Variants in HS6ST3 observed in about 807,000 individuals in gnomAD.
HS6ST3 encodes heparan-sulfate 6-O-sulfotransferase 3.
Under a neutral mutation model 36.7 loss-of-function variants are expected in HS6ST3, and 12 were observed. That is an observed-to-expected ratio of 0.33 (90% CI 0.21 to 0.53). HS6ST3 has a LOEUF of 0.53. HS6ST3 is among the 20% of genes least tolerant of loss of function. The pLI is 0.95. For synonymous variants in HS6ST3, 240 were observed against 257.5 expected, an observed-to-expected ratio of 0.93 and a Z score of 0.65; for missense variants, 584 against 640.9, an observed-to-expected ratio of 0.91 and a Z score of 0.96.
intron 1 of HS6ST3, among the ~76,000 whole-genome samples, chr13:96,300,308 C>T (rs533618343): frequency 1.6e-4 from 24 of 151,988 alleles, no homozygotes; most frequent in African/African-American, 2.9e-4. Context: ...CCACCCGTCT[C>T]GGCCTCCCAA....
At chr13:96,737,703 A>G (rs1465464878) in intron 1 of HS6ST3, among the ~76,000 whole-genome samples, 1 of 152,158 alleles carries the variant, frequency 6.6e-6, no homozygotes, top group Non-Finnish European at 1.5e-5. Flanking sequence ...AAATCACAGA[A>G]AACTCTCATG....
chr13:96,407,221 T>C (rs1298994651), intron 1 of HS6ST3, among the ~76,000 whole-genome samples: 2 of 152,062 alleles, frequency 1.3e-5, no homozygotes, highest in African/African-American at 4.8e-5. Flanking sequence ...ATAAAGTTTC[T>C]GTCAGTTTGA....
intron 1 of HS6ST3, among the ~76,000 whole-genome samples, chr13:96,593,841 T>G (rs1477642382): frequency 6.6e-6 from 1 of 152,120 alleles, no homozygotes. Context: ...GCATAGCTAT[T>G]CCAGTCCTCA....
chr13:96,544,551 G>A (rs1594803713), intron 1 of HS6ST3, among the ~76,000 whole-genome samples: 1 of 151,988 alleles, frequency 6.6e-6, no homozygotes, highest in African/African-American at 2.4e-5. Context: ...ATCAAATAGG[G>A]GCTTGAACAG....
intron 1 of HS6ST3, among the ~76,000 whole-genome samples, chr13:96,181,633 C>T (rs4773941): frequency 0.91 from 138,634 of 152,106 alleles, 63,311 homozygotes; most frequent in Non-Finnish European, 0.94. Flanking sequence ...GAGGCACATT[C>T]GACTCGGAAG....
rs540209938 is a variant in HS6ST3, at chr13:96,272,614, A to G, written c.707+181045A>G. Among the ~76,000 whole-genome samples the G allele has an allele frequency of 2.0e-5, 3 of 152,076 alleles. 1 individual carries two copies. The South Asian group carries it at 6.2e-4, about 32-fold the overall frequency. On this transcript the variant is annotated intron_variant, in intron 1 of 1. Transcript: ENST00000376705. The stretch of plus-strand genomic sequence containing the variant: ...AGTAGCTATAATGCAAAAGAAGTAA[A>G]TTCTATGTAAGGGATATTGCTAGTG...
chr13:96,243,427 T>A (rs2054570530), intron 1 of HS6ST3, among the ~76,000 whole-genome samples: 1 of 152,244 alleles, frequency 6.6e-6, no homozygotes, highest in South Asian at 2.1e-4. Context: ...GATAGCTTGA[T>A]ACATCCCATT....
intron 1 of HS6ST3, among the ~76,000 whole-genome samples, chr13:96,653,528 A>G (rs554473876): frequency 6.6e-6 from 1 of 152,298 alleles, no homozygotes; most frequent in East Asian, 1.9e-4. Context: ...GTCCCTGCAA[A>G]GGACATGAAC....
At chr13:96,772,964 A>G (rs1877300385) in intron 1 of HS6ST3, among the ~76,000 whole-genome samples, 1 of 152,140 alleles carries the variant, frequency 6.6e-6, no homozygotes, top group African/African-American at 2.4e-5. Flanking sequence ...CCACTGAGGT[A>G]CCCAGGTCAT....
At chr13:96,700,467 C>T (rs987783073) in intron 1 of HS6ST3, among the ~76,000 whole-genome samples, 2 of 152,276 alleles carry the variant, frequency 1.3e-5, no homozygotes, top group Non-Finnish European at 2.9e-5. Context: ...TATCATCTCC[C>T]TTGCTCAGGA....
chr13:96,434,554 C>T (rs2055632132), intron 1 of HS6ST3, among the ~76,000 whole-genome samples: 1 of 152,120 alleles, frequency 6.6e-6, no homozygotes, highest in Admixed American at 6.5e-5. Context: ...CTCTGAAGGG[C>T]ACCAGGACGT....
chr13:96,453,816 C>G (rs1262822424), intron 1 of HS6ST3, among the ~76,000 whole-genome samples: 4 of 152,148 alleles, frequency 2.6e-5, no homozygotes, highest in Non-Finnish European at 5.9e-5. Context: ...TCTGAATAAT[C>G]TGAAAAATTT....
chr13:96,091,081 G>C lies in HS6ST3; in HGVS notation c.219G>C (p.Pro73=). Residue 73 remains proline (P), a synonymous_variant, in exon 1 of 2, where the codon CCG becomes CCC. Coordinates refer to ENST00000376705, the MANE Select transcript of HS6ST3 (RefSeq NM_153456.4). ...EEWERRPQLP[P]PPRGPPEGPR... Reference sequence around the variant, plus strand: ...GGGAGCGGCGGCCCCAGTTGCCCCCGCCGCCCCGGGGGCCCCCCGAGGGAC... The same window carrying C: ...GGGAGCGGCGGCCCCAGTTGCCCCCCCCGCCCCGGGGGCCCCCCGAGGGAC... 2 of 1,291,338 alleles carry C rather than the reference G, an allele frequency of 1.5e-6. No individual in the cohort carries two copies. The allele number at this position is 1,291,338 out of a possible 1,614,324, so 80.0% of individuals were successfully genotyped here. A position where few individuals can be genotyped will look rare whatever the true frequency, so the allele number is the denominator to read the frequency against.
chr13:96,711,011 T>C (rs151144249), intron 1 of HS6ST3, among the ~76,000 whole-genome samples: 2 of 152,356 alleles, frequency 1.3e-5, no homozygotes, highest in African/African-American at 4.8e-5. Flanking sequence ...TCAACTGGTC[T>C]TCAAACAAAA....
chr13:96,108,994 T>TCTATCC (rs1181088804), intron 1 of HS6ST3, among the ~76,000 whole-genome samples: 4 of 151,964 alleles, frequency 2.6e-5, no homozygotes, highest in Admixed American at 2.0e-4. Context: ...TATCTCTATC[T>TCTATCC]CTATCCCTCT....
At chr13:96,569,097 A>G (rs537052575) in intron 1 of HS6ST3, among the ~76,000 whole-genome samples, 6 of 152,320 alleles carry the variant, frequency 3.9e-5, no homozygotes, top group Non-Finnish European at 8.8e-5. Flanking sequence ...TGAACTAATT[A>G]TGATCTCATA....
chr13:96,377,654 A>G (rs1460567395), intron 1 of HS6ST3, among the ~76,000 whole-genome samples: 1 of 152,218 alleles, frequency 6.6e-6, no homozygotes, highest in African/African-American at 2.4e-5. Context: ...ATGATACATT[A>G]AGGCACAGAC....
intron 1 of HS6ST3, among the ~76,000 whole-genome samples, chr13:96,661,595 T>C (rs2056646608): frequency 6.6e-6 from 1 of 152,168 alleles, no homozygotes. Flanking sequence ...TTCATTTATC[T>C]TCACGGTTAA....
chr13:96,699,644 G>A (rs549206485), intron 1 of HS6ST3, among the ~76,000 whole-genome samples: 2 of 152,172 alleles, frequency 1.3e-5, no homozygotes, highest in East Asian at 1.9e-4. Context: ...CACTGTTGGT[G>A]GGTCTGTAAA....
Sources: allele counts gnomAD v4.1 joint callset (sites outside exome capture counted in the v4.1 genomes callset), GRCh38; gene constraint gnomAD v4.1.1; transcripts MANE v1.5; gene names NCBI Gene and HGNC (gene_info 2026-07-23, HGNC 2026-07-21).